The following TXNDC16 variants were observed in gnomAD, a reference collection of about 807,000 sequenced individuals.
The protein encoded by TXNDC16 is thioredoxin domain containing 16.
A neutral mutation model predicts 85.6 loss-of-function variants in TXNDC16; 74 were observed. The observed-to-expected ratio is 0.86, with a 90% CI of 0.72 to 1.05. TXNDC16 has a LOEUF of 1.05. Among genes scored for constraint, TXNDC16 ranks in the 50% least tolerant of loss-of-function variants. The probability of loss-of-function intolerance (pLI) is 0.00; values close to 1 mark genes in which losing one functional copy is unlikely to be tolerated. For missense variants in TXNDC16, 959 were observed against 947.0 expected (o/e 1.01, Z -0.17); for synonymous variants, 335 against 326.5 (o/e 1.03, Z -0.28).
intron 16 of TXNDC16, among the ~76,000 whole-genome samples, chr14:52,466,642 G>A (rs1358929420): frequency 2.0e-5 from 3 of 151,938 alleles, no homozygotes; most frequent in Non-Finnish European, 4.4e-5. Flanking sequence ...CGAGATAGGC[G>A]GATCACAAGG....
chr14:52,550,953 T>C (rs781058881), intron 1 of TXNDC16, among the ~76,000 whole-genome samples: 33 of 152,174 alleles, frequency 2.2e-4, no homozygotes, highest in Non-Finnish European at 4.0e-4. Context: ...TAGGTTCCAA[T>C]AAACATAAAA....
At chr14:52,527,757 C>T (rs147912599) in intron 6 of TXNDC16, among the ~76,000 whole-genome samples, 116 of 152,188 alleles carry the variant, frequency 7.6e-4, no homozygotes, top group Middle Eastern at 6.8e-3. Context: ...CAGAAGTCTT[C>T]TATGTGTGTA....
chr14:52,513,378 T>C (rs2037001347), intron 8 of TXNDC16, among the ~76,000 whole-genome samples: 2 of 152,130 alleles, frequency 1.3e-5, no homozygotes, highest in Non-Finnish European at 1.5e-5. Flanking sequence ...CCAACTACTT[T>C]ATCCAAAAGT....
intron 6 of TXNDC16, 58 bp from the exon 7 acceptor site, chr14:52,519,351 C>G (rs2037158448): frequency 7.4e-7 from 1 of 1,346,730 alleles, no homozygotes; most frequent in East Asian, 2.4e-5. Flanking sequence ...AGTTACACCA[C>G]ACTTCTGTTA....
At chr14:52,508,737 TA>T (rs1053183748) in intron 9 of TXNDC16, among the ~76,000 whole-genome samples, 57 of 152,282 alleles carry the variant, frequency 3.7e-4, no homozygotes, top group Admixed American at 1.2e-3. Flanking sequence ...TATGCAGCCT[TA>T]AAAAATGATG....
At chr14:52,533,405 C>G (rs1333881123) in intron 6 of TXNDC16, among the ~76,000 whole-genome samples, 3 of 152,302 alleles carry the variant, frequency 2.0e-5, no homozygotes, top group East Asian at 3.9e-4. Context: ...TGTATCTACT[C>G]TACCTCCCTA....
At chr14:52,551,832 G>C (rs966345192) in intron 1 of TXNDC16, among the ~76,000 whole-genome samples, 2 of 152,092 alleles carry the variant, frequency 1.3e-5, no homozygotes, top group African/African-American at 4.8e-5. Context: ...AATTTAAACA[G>C]TACAGAATAT....
Position 52,466,074 on chromosome 14 carries a change from G to A in TXNDC16, c.1618+3963C>T, listed in dbSNP as rs142743830. The stretch of plus-strand genomic sequence containing the variant: ...ATAATAAAATGTTGGAAAAGTGAAT[G>A]AAGGATTTTCTTTCAAAAATTTCCA... On this transcript the variant is annotated intron_variant, in intron 16 of 20. Coordinates refer to ENST00000281741, the MANE Select transcript of TXNDC16 (RefSeq NM_020784.3). 1.1e-3 allele frequency among the ~76,000 whole-genome samples: 172 copies of A among 152,028 alleles called. 1 individual carries two copies. The highest frequency in any genetic ancestry group is 3.8e-3 in the African/African-American group (159 of 41,496).
In TXNDC16 at chr14:52,491,002, C is replaced by G; in HGVS notation, c.760G>C (p.Glu254Gln). ...ACTTGTTGAGGATCTTCAGCAACTT[C>G]AGTCTTCATTGAAAAAAAAAAAAAA... ...IKTMKAPLLT[E>Q]VAEDPQQVST... Residue 254 changes from glutamate (E) to glutamine (Q), a missense_variant, in exon 10 of 21, where the codon GAA becomes CAA. Coordinates refer to ENST00000281741, the MANE Select transcript of TXNDC16 (RefSeq NM_020784.3). 2 of 1,278,102 alleles carry G rather than the reference C, an allele frequency of 1.6e-6. No homozygotes were observed. Among genetic ancestry groups the G allele is most frequent in the Non-Finnish European group, 2.1e-6 (2 of 949,866 alleles). The allele number at this position is 1,278,102 out of a possible 1,614,324, so 79.2% of individuals were successfully genotyped here. A position where few individuals can be genotyped will look rare whatever the true frequency, so the allele number is the denominator to read the frequency against.
chr14:52,456,104 T>C (rs965723099), intron 17 of TXNDC16, among the ~76,000 whole-genome samples: 12 of 152,190 alleles, frequency 7.9e-5, no homozygotes, highest in Non-Finnish European at 1.3e-4. Context: ...GAAGAAAGCT[T>C]TGTGTAAAAT....
intron 20 of TXNDC16, among the ~76,000 whole-genome samples, chr14:52,434,138 G>A (rs1311753782): frequency 1.3e-5 from 2 of 152,230 alleles, no homozygotes; most frequent in African/African-American, 2.4e-5. Flanking sequence ...GCAATGAGCC[G>A]TGATTACACC....
At chr14:52,538,862 C>T (rs902291490) in intron 4 of TXNDC16, among the ~76,000 whole-genome samples, 4 of 151,986 alleles carry the variant, frequency 2.6e-5, no homozygotes, top group African/African-American at 9.7e-5. Context: ...TAAAAGGCTA[C>T]AAAACAGGAA....
chr14:52,469,680 T>C (rs2035857473), intron 16 of TXNDC16, among the ~76,000 whole-genome samples: 1 of 152,008 alleles, frequency 6.6e-6, no homozygotes, highest in African/African-American at 2.4e-5. Flanking sequence ...GAGGCAGAGG[T>C]TGCAGTGAGC....
chr14:52,486,966 A>C (rs947014974), intron 12 of TXNDC16, among the ~76,000 whole-genome samples: 5 of 152,214 alleles, frequency 3.3e-5, no homozygotes, highest in African/African-American at 1.2e-4. Flanking sequence ...AATTAAAAAA[A>C]TGGAAATAAA....
rs913974248 is a variant in TXNDC16, at chr14:52,488,740, A to G, written c.985-254T>C. Among the ~76,000 whole-genome samples the G allele has an allele frequency of 4.7e-5, 7 of 149,628 alleles. No homozygotes were observed. The Admixed American group carries it at 4.7e-4, about 10-fold the overall frequency. The stretch of plus-strand genomic sequence containing the variant: ...TCCCAGCTACTTGGGAGGCTGAAAC[A>G]GGAGAATCGTCTGAACCCAGGAGGC... On this transcript the variant is annotated intron_variant, in intron 11 of 20. Transcript: ENST00000281741.
chr14:52,519,020 T>C, intron 7 of TXNDC16, 152 bp downstream of exon 7: 1 of 706,732 alleles, frequency 1.4e-6, no homozygotes, highest in Non-Finnish European at 2.2e-6. Context: ...TGTATTACGC[T>C]GCCCATTTAA....
chr14:52,533,984 A>G (rs1466312627), intron 6 of TXNDC16, among the ~76,000 whole-genome samples: 2 of 152,136 alleles, frequency 1.3e-5, no homozygotes, highest in East Asian at 3.9e-4. Flanking sequence ...CTTGACCTCA[A>G]TTTTCTCTAG....
In TXNDC16 at chr14:52,543,588, T is replaced by C. The variant is rs764502352; in HGVS notation, c.-31A>G. 1 of 1,610,440 alleles carries C rather than the reference T, an allele frequency of 6.2e-7. No individual in the cohort carries two copies. On this transcript the variant is annotated 5_prime_UTR_variant, in exon 3 of 21. Transcript: ENST00000281741. The stretch of plus-strand genomic sequence containing the variant: ...GCTGCAGTTGTATCTGAGCGGATTT[T>C]GTCTGTTTTTTCACTGCTGTGTTCT...
At chr14:52,458,561 G>C (rs1263018881) in intron 16 of TXNDC16, among the ~76,000 whole-genome samples, 1 of 152,048 alleles carries the variant, frequency 6.6e-6, no homozygotes, top group African/African-American at 2.4e-5. Context: ...AAAATAAAAA[G>C]AGAGACGAGA....
Sources: allele counts gnomAD v4.1 joint callset (sites outside exome capture counted in the v4.1 genomes callset), GRCh38; gene constraint gnomAD v4.1.1; transcripts MANE v1.5; gene names NCBI Gene and HGNC (gene_info 2026-07-23, HGNC 2026-07-21).